Variants in WFDC10B observed in about 807,000 individuals in gnomAD.
WFDC10B encodes the protein WAP four-disulfide core domain 10B.
WFDC10B carries 1 observed loss-of-function variant against 2.7 expected under a neutral mutation model. The observed-to-expected ratio is 0.38, with a 90% CI of 0.13 to 1.79. The LOEUF (loss-of-function observed/expected upper bound fraction) is 1.79, where lower values mean the gene tolerates loss of function less well. Among genes scored for constraint, WFDC10B ranks in the 40% most tolerant of loss-of-function variants. WFDC10B has a pLI of 0.33. For synonymous variants in WFDC10B, 26 were observed against 32.2 expected, an observed-to-expected ratio of 0.81 and a Z score of 0.65; for missense variants, 71 against 87.8, an observed-to-expected ratio of 0.81 and a Z score of 0.76.
chr20:45,688,384 A>G (rs1983701347), intron 2 of WFDC10B, among the ~76,000 whole-genome samples: 2 of 152,154 alleles, frequency 1.3e-5, no homozygotes, highest in South Asian at 4.1e-4. Flanking sequence ...CTTTGGGTGT[A>G]TACCCAGTAA....
At chr20:45,690,289 G>T (rs1380223284) in intron 2 of WFDC10B, among the ~76,000 whole-genome samples, 2 of 151,292 alleles carry the variant, frequency 1.3e-5, no homozygotes, top group Admixed American at 6.6e-5. Context: ...AAGGATATTG[G>T]TCTAAAATTC....
intron 2 of WFDC10B, among the ~76,000 whole-genome samples, chr20:45,688,332 C>A (rs1451201207): frequency 6.6e-6 from 1 of 152,082 alleles, no homozygotes; most frequent in African/African-American, 2.4e-5. Context: ...CCGCAATAAA[C>A]ATACATGTGC....
chr20:45,704,329 C>A, intron 2 of WFDC10B, 168 bp downstream of exon 2: 1 of 1,399,628 alleles, frequency 7.1e-7, no homozygotes, highest in Non-Finnish European at 9.6e-7. Flanking sequence ...CACCCTGGAA[C>A]CATGCAAGGC....
chr20:45,688,265 A>G (rs1983696282), intron 2 of WFDC10B, among the ~76,000 whole-genome samples: 2 of 151,824 alleles, frequency 1.3e-5, no homozygotes, highest in Non-Finnish European at 1.5e-5. Flanking sequence ...TTCTTAATCC[A>G]GTCTATCATT....
chr20:45,688,681 A>G (rs1983709486), intron 2 of WFDC10B, among the ~76,000 whole-genome samples: 1 of 135,736 alleles, frequency 7.4e-6, no homozygotes, highest in South Asian at 2.7e-4. Flanking sequence ...CCACTTTTTG[A>G]TGGGGTTGTT....
At chr20:45,695,503 CAT>C (rs1455498829) in intron 2 of WFDC10B, among the ~76,000 whole-genome samples, 1 of 152,152 alleles carries the variant, frequency 6.6e-6, no homozygotes, top group African/African-American at 2.4e-5. Flanking sequence ...GGATAAACTA[CAT>C]GTTAGGCCAC....
In WFDC10B at chr20:45,693,693, T is replaced by TGG. The variant is rs1983891097; in HGVS notation, c.-64-7639_-64-7638dup. Reference sequence around the variant, plus strand: ...TAAGCCTGTCGGAAAAGCACAGTATTGGGGTAGGAGTGACCCGATTTTCCA... The same window carrying TGG: ...TAAGCCTGTCGGAAAAGCACAGTATTGGGGGGTAGGAGTGACCCGATTTTCCA... On this transcript the variant is annotated intron_variant, in intron 2 of 3. Transcript: ENST00000330523. Among the ~76,000 whole-genome samples, 3 of 152,318 alleles carry TGG rather than the reference T, an allele frequency of 2.0e-5. No individual in the cohort carries two copies. The South Asian group carries it at 6.2e-4, about 32-fold the overall frequency.
At chr20:45,704,828 G>T in intron 1 of WFDC10B, 90 bp downstream of exon 1, 1 of 1,429,338 alleles carries the variant, frequency 7.0e-7, no homozygotes, top group Non-Finnish European at 9.8e-7. Flanking sequence ...GTGAATTTCT[G>T]ACTCTGCCTC....
chr20:45,687,952 A>G (rs1342783131), intron 2 of WFDC10B, among the ~76,000 whole-genome samples: 3 of 150,312 alleles, frequency 2.0e-5, no homozygotes, highest in Admixed American at 2.0e-4. Flanking sequence ...TATACATGTG[A>G]CATGCTGGTG....
At chr20:45,695,190 T>C (rs1225061505) in intron 2 of WFDC10B, among the ~76,000 whole-genome samples, 3 of 152,202 alleles carry the variant, frequency 2.0e-5, no homozygotes, top group Admixed American at 6.5e-5. Context: ...GACTTGCAAC[T>C]GGCACCTGAA....
At chr20:45,686,754 C>T (rs1285551943) in intron 2 of WFDC10B, among the ~76,000 whole-genome samples, 1 of 151,924 alleles carries the variant, frequency 6.6e-6, no homozygotes, top group East Asian at 1.9e-4. Flanking sequence ...CCTCCACCTT[C>T]CAGGTTCAAG....
In WFDC10B at chr20:45,697,378, C is replaced by CTTTT. The variant is rs1340438503; in HGVS notation, c.-65+7118_-65+7119insAAAA. Reference sequence around the variant, plus strand: ...CTCAAGAAATAGAAAGACATCCCATCATTTTTTTTTTTTTTTTTTTTTTTG... The same window carrying CTTTT: ...CTCAAGAAATAGAAAGACATCCCATCTTTTATTTTTTTTTTTTTTTTTTTTTTTG... On this transcript the variant is annotated intron_variant, in intron 2 of 3. Coordinates refer to ENST00000330523, the MANE Select transcript of WFDC10B (RefSeq NM_172006.2). 4.1e-5 allele frequency among the ~76,000 whole-genome samples: 4 copies of CTTTT among 97,398 alleles called. 1 individual carries two copies. The highest frequency in any genetic ancestry group is 4.6e-4 in the South Asian group (1 of 2,178). The allele number at this position is 97,398 out of a possible 152,430, so 63.9% of individuals were successfully genotyped here.
chr20:45,701,283 C>T (rs1472296413), intron 2 of WFDC10B, among the ~76,000 whole-genome samples: 1 of 152,042 alleles, frequency 6.6e-6, no homozygotes, highest in Non-Finnish European at 1.5e-5. Context: ...GAAAAGTAAA[C>T]GCCTATAGGG....
chr20:45,700,801 G>C (rs781488713), intron 2 of WFDC10B, among the ~76,000 whole-genome samples: 2 of 152,172 alleles, frequency 1.3e-5, no homozygotes, highest in Non-Finnish European at 2.9e-5. Context: ...TACATATGAT[G>C]TACTCAAGGG....
chr20:45,695,814 G>T (rs1391816014), intron 2 of WFDC10B, among the ~76,000 whole-genome samples: 1 of 151,754 alleles, frequency 6.6e-6, no homozygotes, highest in Non-Finnish European at 1.5e-5. Flanking sequence ...AAAAGACCCT[G>T]TCTCTACAAA....
chr20:45,701,630 T>C (rs1249089799), intron 2 of WFDC10B, among the ~76,000 whole-genome samples: 1 of 151,770 alleles, frequency 6.6e-6, no homozygotes, highest in Non-Finnish European at 1.5e-5. Context: ...GACATGGTGG[T>C]ACACGCCTGT....
chr20:45,685,175 T>A (rs1296881145), intron 3 of WFDC10B, among the ~76,000 whole-genome samples: 1 of 152,092 alleles, frequency 6.6e-6, no homozygotes, highest in East Asian at 1.9e-4. Context: ...CCCAGTAGAC[T>A]TCAATGCCTG....
At chr20:45,697,736 C>G (rs1034356273) in intron 2 of WFDC10B, among the ~76,000 whole-genome samples, 2 of 138,998 alleles carry the variant, frequency 1.4e-5, no homozygotes, top group African/African-American at 5.4e-5. Context: ...ACAGGTATTT[C>G]TTTTTCTTTT....
At chr20:45,701,248 G>T (rs1366955685) in intron 2 of WFDC10B, among the ~76,000 whole-genome samples, 1 of 152,122 alleles carries the variant, frequency 6.6e-6, no homozygotes, top group East Asian at 1.9e-4. Context: ...TAAATGACAG[G>T]TTCTGAGTCC....
Sources: allele counts gnomAD v4.1 joint callset (sites outside exome capture counted in the v4.1 genomes callset), GRCh38; gene constraint gnomAD v4.1.1; transcripts MANE v1.5; gene names NCBI Gene and HGNC (gene_info 2026-07-23, HGNC 2026-07-21).